The following SHISA6 variants were observed in gnomAD, a reference collection of about 807,000 sequenced individuals.
SHISA6 encodes the protein shisa family member 6, also known as protein shisa-6.
SHISA6 carries 22 observed loss-of-function variants against 47.9 expected under a neutral mutation model. That is an observed-to-expected ratio of 0.46 (90% CI 0.33 to 0.66). The LOEUF (loss-of-function observed/expected upper bound fraction) is 0.66, where lower values mean the gene tolerates loss of function less well. Ranked by LOEUF, SHISA6 falls within the 30% of genes least tolerant of loss-of-function variation. The pLI is 0.02. For synonymous variants in SHISA6, 388 were observed against 337.8 expected (o/e 1.15, Z -1.63); for missense variants, 680 against 764.6 (o/e 0.89, Z 1.30).
intron 2 of SHISA6, among the ~76,000 whole-genome samples, chr17:11,302,809 C>T (rs1000391485): frequency 1.4e-5 from 2 of 147,658 alleles, no homozygotes; most frequent in African/African-American, 2.5e-5. Context: ...ACCCAGGGAC[C>T]GAGGTTGCTA....
intron 3 of SHISA6, among the ~76,000 whole-genome samples, chr17:11,450,585 G>A (rs1183720025): frequency 2.0e-5 from 3 of 152,048 alleles, no homozygotes; most frequent in Non-Finnish European, 4.4e-5. Context: ...CTTGAACCCA[G>A]GAGACAGATG....
intron 2 of SHISA6, among the ~76,000 whole-genome samples, chr17:11,376,400 C>T (rs1340942368): frequency 6.6e-6 from 1 of 151,376 alleles, no homozygotes; most frequent in African/African-American, 2.4e-5. Flanking sequence ...TCACTGCAAC[C>T]TCCACCTCCC....
At chr17:11,510,494 G>A (rs1034312500) in intron 3 of SHISA6, among the ~76,000 whole-genome samples, 1 of 152,152 alleles carries the variant, frequency 6.6e-6, no homozygotes, top group Non-Finnish European at 1.5e-5. Flanking sequence ...CCACATTAAA[G>A]AAAATATCCA....
chr17:11,241,610 G>A lies in SHISA6; in HGVS notation c.188G>A (p.Arg63Gln), dbSNP rs1386813796. The A allele has an allele frequency of 2.3e-6, 3 of 1,305,706 alleles. No individual in the cohort carries two copies. The highest frequency in any genetic ancestry group is 4.2e-5 in the Admixed American group (1 of 23,726). 80.9% of individuals were successfully genotyped at this position (1,305,706 alleles called of 1,614,324 possible). A position where few individuals can be genotyped will look rare whatever the true frequency, so the allele number is the denominator to read the frequency against. ...RGGRELNGTA[R>Q]APGIPEAGSR... ...GGCCGCGAGCTGAACGGCACCGCCCGGGCGCCCGGAATCCCGGAGGCGGGA... is the reference window on the plus strand; with the variant it reads ...GGCCGCGAGCTGAACGGCACCGCCCAGGCGCCCGGAATCCCGGAGGCGGGA... Residue 63 changes from arginine to glutamine, a missense_variant, in exon 1 of 6, where the codon CGG becomes CAG. Arg to Gln is a conservative substitution (Grantham distance 43). Transcript: ENST00000441885. This position sits in a 1 kb window ranked among gnomAD's most constrained non-coding sequence, Gnocchi z 5.5.
intron 2 of SHISA6, among the ~76,000 whole-genome samples, chr17:11,320,220 CT>C (rs1359691591): frequency 1.3e-5 from 2 of 152,176 alleles, no homozygotes; most frequent in African/African-American, 4.8e-5. Context: ...TATCTCGACT[CT>C]TTTGGGTACA....
chr17:11,414,807 G>T (rs1226547289), intron 3 of SHISA6, among the ~76,000 whole-genome samples: 1 of 152,194 alleles, frequency 6.6e-6, no homozygotes, highest in Non-Finnish European at 1.5e-5. Context: ...AAAAAAACAG[G>T]CCGGGTGTGG....
At chr17:11,500,920 T>C (rs1446508735) in intron 3 of SHISA6, among the ~76,000 whole-genome samples, 3 of 152,270 alleles carry the variant, frequency 2.0e-5, no homozygotes, top group Middle Eastern at 3.4e-3. Context: ...TGGTAAGCAC[T>C]TTGCATGTAG....
chr17:11,430,360 A>G (rs1914720686), intron 3 of SHISA6, among the ~76,000 whole-genome samples: 1 of 152,172 alleles, frequency 6.6e-6, no homozygotes, highest in African/African-American at 2.4e-5. Flanking sequence ...GTTTTACCGC[A>G]AGACCCTTAA....
At chr17:11,253,915 C>T (rs548161961) in intron 1 of SHISA6, among the ~76,000 whole-genome samples, 13 of 152,000 alleles carry the variant, frequency 8.6e-5, no homozygotes, top group African/African-American at 2.7e-4. Context: ...GTCCGGACTT[C>T]GAGCCCTGCC....
At chr17:11,428,974 C>CAT (rs58354818) in intron 3 of SHISA6, among the ~76,000 whole-genome samples, 10,624 of 151,922 alleles carry the variant, frequency 0.07, 412 homozygotes, top group Admixed American at 0.11. Context: ...TTAGTAGAAA[C>CAT]GGTGTTTCAC....
At chr17:11,370,906 C>T (rs989304155) in intron 2 of SHISA6, among the ~76,000 whole-genome samples, 1 of 152,170 alleles carries the variant, frequency 6.6e-6, no homozygotes, top group African/African-American at 2.4e-5. Flanking sequence ...ATGGGCTAGG[C>T]ACTTAGCAAT....
At position 11,319,074 on chromosome 17, in the gene SHISA6, GTT is replaced by G. The variant is rs57696970; in HGVS notation, c.799+55565_799+55566del. Among the ~76,000 whole-genome samples the G allele has an allele frequency of 1.7e-3, 228 of 133,956 alleles. 1 individual carries two copies. The highest frequency in any genetic ancestry group is 2.9e-3 in the African/African-American group (107 of 36,478). The allele number at this position is 133,956 out of a possible 152,430, so 87.9% of individuals were successfully genotyped here. On this transcript the variant is annotated intron_variant, in intron 2 of 5. Coordinates refer to ENST00000441885, the MANE Select transcript of SHISA6 (RefSeq NM_207386.4). ...TTCTAAGACCTGTATTTCTTCTTATGTTTTTTTTTTTTTTTTTTCCTTGAGAT... is the reference window on the plus strand; with the variant it reads ...TTCTAAGACCTGTATTTCTTCTTATGTTTTTTTTTTTTTTTTCCTTGAGAT...
chr17:11,383,455 T>C (rs205051), intron 3 of SHISA6, among the ~76,000 whole-genome samples: 151,171 of 152,214 alleles, frequency 0.99, 75,073 homozygotes, highest in East Asian at 1. Flanking sequence ...GAACGTGAGA[T>C]CTTATAAAAC....
intron 3 of SHISA6, among the ~76,000 whole-genome samples, chr17:11,396,591 T>C (rs146982957): frequency 1.3e-3 from 204 of 152,278 alleles, no homozygotes; most frequent in African/African-American, 4.7e-3. Context: ...TTGAACTAAT[T>C]TATTCTCCCA....
chr17:11,547,705 G>A (rs991590189), intron 3 of SHISA6, among the ~76,000 whole-genome samples: 6 of 152,286 alleles, frequency 3.9e-5, no homozygotes, highest in Admixed American at 1.3e-4. Flanking sequence ...ATTCAAAAGT[G>A]TAAAATAATG....
chr17:11,558,730 G>A lies in SHISA6; in HGVS notation c.*426G>A. The A allele has an allele frequency of 4.3e-6, 1 of 230,630 alleles. No homozygotes were observed. Among genetic ancestry groups the A allele is most frequent in the Non-Finnish European group, 8.6e-6 (1 of 116,578 alleles). 14.3% of individuals were successfully genotyped at this position (230,630 alleles called of 1,614,324 possible). A position where few individuals can be genotyped will look rare whatever the true frequency, so the allele number is the denominator to read the frequency against. On this transcript the variant is annotated 3_prime_UTR_variant, in exon 6 of 6. Coordinates refer to ENST00000441885, the MANE Select transcript of SHISA6 (RefSeq NM_207386.4). ...AGGGGCCAGCGGGTCCAATCAGTGG[G>A]CTGACCGGATAGGCTACTCGGTCTC... is the stretch of plus-strand genomic sequence containing the variant.
chr17:11,524,962 G>T (rs541856548), intron 3 of SHISA6, among the ~76,000 whole-genome samples: 1 of 146,606 alleles, frequency 6.8e-6, no homozygotes, highest in Non-Finnish European at 1.5e-5. Context: ...CTGAGATGAC[G>T]GGGGGGTAGA....
At chr17:11,433,751 C>T (rs1381234012) in intron 3 of SHISA6, among the ~76,000 whole-genome samples, 1 of 152,128 alleles carries the variant, frequency 6.6e-6, no homozygotes, top group East Asian at 1.9e-4. Context: ...TCTAGAGAAT[C>T]CACTTGTAAG....
chr17:11,368,643 C>A (rs748803639), intron 2 of SHISA6, among the ~76,000 whole-genome samples: 1 of 151,778 alleles, frequency 6.6e-6, no homozygotes, highest in Admixed American at 6.6e-5. Flanking sequence ...TTTTGTTTTT[C>A]GTTTGTTCGG....
Sources: gnomAD v4.1 joint callset for allele counts (sites outside exome capture counted in the v4.1 genomes callset) on GRCh38, gnomAD v4.1.1 for gene constraint, Gnocchi (gnomAD v3.1) non-coding constraint, MANE v1.5 for transcripts, NCBI Gene and HGNC (gene_info 2026-07-23, HGNC 2026-07-21) for gene names.